The following WWTR1 variants were observed in gnomAD, a reference collection of about 807,000 sequenced individuals.
WWTR1 encodes WW domain containing transcription regulator 1.
A neutral mutation model predicts 40.1 loss-of-function variants in WWTR1; 13 were observed. That is an observed-to-expected ratio of 0.32 (90% CI 0.21 to 0.52). The LOEUF (loss-of-function observed/expected upper bound fraction) is 0.52, where lower values mean the gene tolerates loss of function less well. WWTR1 is among the 20% of genes least tolerant of loss of function. The pLI, the probability that WWTR1 is intolerant of heterozygous loss-of-function variation, is 0.97. For synonymous variants in WWTR1, 230 were observed against 210.1 expected (o/e 1.09, Z -0.82); for missense variants, 436 against 523.1 (o/e 0.83, Z 1.63).
intron 3 of WWTR1, among the ~76,000 whole-genome samples, chr3:149,565,819 G>C (rs1404292674): frequency 6.6e-6 from 1 of 151,706 alleles, no homozygotes; most frequent in African/African-American, 2.4e-5. Flanking sequence ...GCTGAGGCAG[G>C]AGAATTGCTT....
At chr3:149,634,807 C>T (rs1268792284) in intron 2 of WWTR1, among the ~76,000 whole-genome samples, 1 of 152,222 alleles carries the variant, frequency 6.6e-6, no homozygotes, top group Non-Finnish European at 1.5e-5. Flanking sequence ...TACCTCAGCA[C>T]CAGCAACCAC....
chr3:149,605,403 T>C (rs1231150162), intron 2 of WWTR1, among the ~76,000 whole-genome samples: 1 of 152,054 alleles, frequency 6.6e-6, no homozygotes, highest in East Asian at 1.9e-4. Flanking sequence ...GAGCAGGTTA[T>C]GGAGGAAATG....
chr3:149,545,899 A>G (rs1333807900), intron 3 of WWTR1, among the ~76,000 whole-genome samples: 1 of 152,240 alleles, frequency 6.6e-6, no homozygotes, highest in African/African-American at 2.4e-5. Context: ...AACAAATTCT[A>G]GTAGGACTAT....
At chr3:149,672,709 T>C (rs936185302) in intron 1 of WWTR1, among the ~76,000 whole-genome samples, 1 of 151,788 alleles carries the variant, frequency 6.6e-6, no homozygotes, top group Non-Finnish European at 1.5e-5. Context: ...TTTATTTTTA[T>C]AAATGTTTAT....
At chr3:149,686,910 T>A (rs1290218980) in intron 1 of WWTR1, among the ~76,000 whole-genome samples, 2 of 152,190 alleles carry the variant, frequency 1.3e-5, no homozygotes, top group Non-Finnish European at 2.9e-5. Flanking sequence ...TTGCAAATGC[T>A]GTGTGTAGCT....
intron 1 of WWTR1, among the ~76,000 whole-genome samples, chr3:149,689,556 T>C (rs954804982): frequency 2.0e-5 from 3 of 152,102 alleles, no homozygotes; most frequent in African/African-American, 7.2e-5. Context: ...AGTGGGAACC[T>C]TGCAGGCCGG....
At chr3:149,620,739 C>T (rs1426504353) in intron 2 of WWTR1, among the ~76,000 whole-genome samples, 1 of 152,178 alleles carries the variant, frequency 6.6e-6, no homozygotes, top group South Asian at 2.1e-4. Context: ...CAGCTCACAT[C>T]CCATCTGTCT....
At chr3:149,667,434 G>C (rs2108185098) in intron 2 of WWTR1, among the ~76,000 whole-genome samples, 1 of 152,020 alleles carries the variant, frequency 6.6e-6, no homozygotes, top group South Asian at 2.1e-4. Flanking sequence ...TGTAGTCCCA[G>C]CTACTTGGGA....
chr3:149,709,816 A>C (rs1715433609), intron 5 of WWTR1, among the ~76,000 whole-genome samples: 1 of 152,154 alleles, frequency 6.6e-6, no homozygotes, highest in South Asian at 2.1e-4. Context: ...AGGTGGGAGA[A>C]CTGCTTGAAC....
At chr3:149,547,455 C>G (rs138548807) in intron 3 of WWTR1, among the ~76,000 whole-genome samples, 1 of 151,710 alleles carries the variant, frequency 6.6e-6, no homozygotes. Context: ...GAACCCGGGA[C>G]GTGGAGGTTG....
At position 149,621,336 on chromosome 3, in the gene WWTR1, AT is replaced by A. The variant is rs923048140; in HGVS notation, c.431+35539del. Among the ~76,000 whole-genome samples the A allele has an allele frequency of 6.7e-3, 1,016 of 150,574 alleles. 8 individuals carry two copies. The highest frequency in any genetic ancestry group is 0.023 in the African/African-American group (966 of 41,110). On this transcript the variant is annotated intron_variant, in intron 2 of 6. Transcript: ENST00000360632. ...GTCTTTGTGAAACTACATTTCTGTAATTTTTTTTTTAACTCAAGTAATGTTA... is the reference window on the plus strand; with the variant it reads ...GTCTTTGTGAAACTACATTTCTGTAATTTTTTTTTAACTCAAGTAATGTTA...
At chr3:149,521,819 G>A (rs999157881) in intron 6 of WWTR1, among the ~76,000 whole-genome samples, 1 of 152,136 alleles carries the variant, frequency 6.6e-6, no homozygotes, top group Non-Finnish European at 1.5e-5. Context: ...ATCGAGCTTT[G>A]TGGCTGTGTA....
chr3:149,544,757 T>G (rs1011488214), intron 3 of WWTR1, among the ~76,000 whole-genome samples: 1 of 152,182 alleles, frequency 6.6e-6, no homozygotes, highest in Non-Finnish European at 1.5e-5. Flanking sequence ...AAAGACAATC[T>G]GCCTTCAATT....
chr3:149,601,690 C>A (rs1045176659), intron 2 of WWTR1, among the ~76,000 whole-genome samples: 2 of 144,554 alleles, frequency 1.4e-5, no homozygotes, highest in East Asian at 4.1e-4. Context: ...GCTACAATGA[C>A]CCAGAATATG....
At position 149,572,844 on chromosome 3, in the gene WWTR1, T is replaced by TA; in HGVS notation, c.568+19dup. On this transcript the variant is annotated intron_variant, in intron 3 of 6. Transcript: ENST00000360632. ...AAAAAAAAAATATCTTTTTTAATTT[T>TA]AAAAAAGCTTGAGGCTTACCGAGAT... 6.2e-7 allele frequency: 1 copy of TA among 1,611,892 alleles called. No homozygotes were observed.
In WWTR1 at chr3:149,585,887, A is replaced by AG. The variant is rs536027483; in HGVS notation, c.432-12888dup. 5.3e-5 allele frequency among the ~76,000 whole-genome samples: 8 copies of AG among 152,356 alleles called. No homozygotes were observed. The South Asian group carries it at 1.7e-3, about 32-fold the overall frequency. Reference sequence around the variant, plus strand: ...GTTCCAAAATGTGAGGGGACATACCAGGTACAGAAATGCAGGAAGCCTTGA... The same window carrying AG: ...GTTCCAAAATGTGAGGGGACATACCAGGGTACAGAAATGCAGGAAGCCTTGA... On this transcript the variant is annotated intron_variant, in intron 2 of 6. Transcript: ENST00000360632.
At chr3:149,690,273 G>A (rs79358033) in intron 1 of WWTR1, among the ~76,000 whole-genome samples, 2,106 of 152,142 alleles carry the variant, frequency 0.014, 32 homozygotes, top group East Asian at 0.063. Flanking sequence ...ACTTACCAAC[G>A]ATAACATTGA....
At chr3:149,603,692 A>C (rs1024015544) in intron 2 of WWTR1, among the ~76,000 whole-genome samples, 4 of 152,072 alleles carry the variant, frequency 2.6e-5, no homozygotes, top group African/African-American at 9.7e-5. Context: ...CAGTGATTAA[A>C]TTTCTCTATT....
intron 5 of WWTR1, among the ~76,000 whole-genome samples, chr3:149,716,287 CAGG>C (rs778999481): frequency 1.4e-4 from 22 of 151,946 alleles, no homozygotes; most frequent in Non-Finnish European, 2.4e-4. Flanking sequence ...GAAGGCTGGG[CAGG>C]AGAATTGCTG....
Sources: allele counts gnomAD v4.1 joint callset (sites outside exome capture counted in the v4.1 genomes callset), GRCh38; gene constraint gnomAD v4.1.1; transcripts MANE v1.5; gene names NCBI Gene and HGNC (gene_info 2026-07-23, HGNC 2026-07-21).